The following EPOP variants were observed in gnomAD, a reference collection of about 807,000 sequenced individuals.
EPOP encodes elongin BC and Polycomb repressive complex 2-associated protein.
EPOP carries 14 observed loss-of-function variants against 18.2 expected under a neutral mutation model. The ratio of observed to expected loss-of-function variants is 0.77; its 90% CI spans 0.51 to 1.20. EPOP has a LOEUF of 1.20. Among genes scored for constraint, EPOP ranks in the 50% most tolerant of loss-of-function variants. The pLI is 0.00. For synonymous variants in EPOP, 252 were observed against 274.9 expected (o/e 0.92, Z 0.83); for missense variants, 527 against 577.2 (o/e 0.91, Z 0.89).
Position 38,673,612 on chromosome 17 carries a change from G to A in EPOP, c.884C>T (p.Pro295Leu). ...AKKRRLPAPP[P>L]RTAQPRRPAP... ...AGGGCGGCGGGGCTGCGCGGTGCGC[G>A]GAGGGGGCGCCGGCAGCCGGCGTTT... is the stretch of plus-strand genomic sequence containing the variant. Residue 295 changes from proline to leucine, a missense_variant, in exon 1 of 1, where the codon CCG becomes CTG. Physicochemically the swap from Pro to Leu is moderately conservative, Grantham distance 98. Coordinates refer to ENST00000621654, the MANE Select transcript of EPOP (RefSeq NM_001130677.2). 1 of 1,508,360 alleles carries A rather than the reference G, an allele frequency of 6.6e-7. No individual in the cohort carries two copies. Among genetic ancestry groups the A allele is most frequent in the Non-Finnish European group, 8.8e-7 (1 of 1,131,002 alleles). The allele number at this position is 1,508,360 out of a possible 1,614,324, so 93.4% of individuals were successfully genotyped here.
Position 38,674,513 on chromosome 17 carries a change from G to GC in EPOP, c.-19dup. On this transcript the variant is annotated 5_prime_UTR_variant, in exon 1 of 1. Coordinates refer to ENST00000621654, the MANE Select transcript of EPOP (RefSeq NM_001130677.2). This position sits in a 1 kb window ranked among gnomAD's most constrained non-coding sequence, Gnocchi z 4.5. ...GTCTCCATGGAGCAGCCTGAGGGGT[G>GC]CCCACTGAGCGGGTCCAGGTCCCAG... 1 of 1,501,452 alleles carries GC rather than the reference G, an allele frequency of 6.7e-7. No homozygotes were observed. The highest frequency in any genetic ancestry group is 8.9e-7 in the Non-Finnish European group (1 of 1,128,804). The allele number at this position is 1,501,452 out of a possible 1,614,324, so 93.0% of individuals were successfully genotyped here.
At position 38,673,855 on chromosome 17, in the gene EPOP, T is replaced by A; in HGVS notation, c.641A>T (p.Asn214Ile). The A allele has an allele frequency of 6.9e-7, 1 of 1,457,258 alleles. No individual in the cohort carries two copies. Among genetic ancestry groups the A allele is most frequent in the Non-Finnish European group, 9.0e-7 (1 of 1,106,056 alleles). 90.3% of individuals were successfully genotyped at this position (1,457,258 alleles called of 1,614,324 possible). ...LPGQPAEVDG[N>I]PPPAAPEAPA... ...AGCCTCGGGGGCGGCCGGCGGGGGG[T>A]TTCCATCGACTTCGGCAGGCTGGCC... is the stretch of plus-strand genomic sequence containing the variant. The change falls in exon 1 of 1, where the codon AAC becomes ATC. Residue 214 changes from asparagine to isoleucine, a missense_variant. Physicochemically the swap from Asn to Ile is moderately radical, Grantham distance 149 (BLOSUM62 -3). Transcript: ENST00000621654.
In EPOP at chr17:38,674,072, C is replaced by T. The variant is rs1811108117; in HGVS notation, c.424G>A (p.Ala142Thr). 45 of 1,406,998 alleles carry T rather than the reference C, an allele frequency of 3.2e-5. No individual in the cohort carries two copies. Among genetic ancestry groups the T allele is most frequent in the Non-Finnish European group, 4.1e-5 (45 of 1,089,566 alleles). The allele number at this position is 1,406,998 out of a possible 1,614,324, so 87.2% of individuals were successfully genotyped here. The change falls in exon 1 of 1, where the codon GCG becomes ACG. Residue 142 changes from alanine (A) to threonine (T), a missense_variant. Transcript: ENST00000621654. This position sits in a 1 kb window ranked among gnomAD's most constrained non-coding sequence, Gnocchi z 4.5. ...GTAGATTCCCGAGGGTGCGGGGGCG[C>T]AGGGCAGCGGCCCGGAGGTGCACAG... is the stretch of plus-strand genomic sequence containing the variant. ...RSCAPPGRCP[A>T]PPHPRESTTS...
At position 38,673,529 on chromosome 17, in the gene EPOP, G is replaced by A. The variant is rs1343042874; in HGVS notation, c.967C>T (p.Pro323Ser). 1 of 1,517,734 alleles carries A rather than the reference G, an allele frequency of 6.6e-7. No individual in the cohort carries two copies. The highest frequency in any genetic ancestry group is 2.1e-5 in the Admixed American group (1 of 48,474). The allele number at this position is 1,517,734 out of a possible 1,614,324, so 94.0% of individuals were successfully genotyped here. A position where few individuals can be genotyped will look rare whatever the true frequency, so the allele number is the denominator to read the frequency against. Residue 323 changes from proline (P) to serine (S), a missense_variant, in exon 1 of 1, where the codon CCG (proline) becomes TCG (serine). Coordinates refer to ENST00000621654, the MANE Select transcript of EPOP (RefSeq NM_001130677.2). ...FSLLNCFPCP[P>S]ALVVGEDGDL... ...CCGTCTTCCCCCACCACCAGGGCCG[G>A]GGGGCAGGGGAAGCAGTTGAGGAGG...
At position 38,674,663 on chromosome 17, in the gene EPOP, C is replaced by T; in HGVS notation, c.-168G>A. 1.7e-6 allele frequency: 1 copy of T among 585,428 alleles called. No individual in the cohort carries two copies. Among genetic ancestry groups the T allele is most frequent in the Non-Finnish European group, 2.7e-6 (1 of 368,710 alleles). 36.3% of individuals were successfully genotyped at this position (585,428 alleles called of 1,614,324 possible). A position where few individuals can be genotyped will look rare whatever the true frequency, so the allele number is the denominator to read the frequency against. ...CCCGGGGCCGCAGAGCTCGGGCTCC[C>T]TCTTCGCTCTCCTCACGCGGCCCTC... On this transcript the variant is annotated 5_prime_UTR_variant, in exon 1 of 1. Transcript: ENST00000621654. The surrounding 1 kb of genome is among the most constrained non-coding windows in gnomAD (Gnocchi z 4.5).
At position 38,673,774 on chromosome 17, in the gene EPOP, C is replaced by A. The variant is rs1479390686; in HGVS notation, c.722G>T (p.Arg241Leu). ...SPAPAAPGDL[R>L]QEHFDRLIRR... ...GATCAGACGATCGAAATGTTCCTGG[C>A]GGAGATCTCCGGGTGCGGCCGGAGC... is the stretch of plus-strand genomic sequence containing the variant. Residue 241 changes from arginine (R) to leucine (L), a missense_variant, in exon 1 of 1, where the codon CGC becomes CTC. Physicochemically the swap from Arg to Leu is moderately radical, Grantham distance 102. Coordinates refer to ENST00000621654, the MANE Select transcript of EPOP (RefSeq NM_001130677.2). The A allele has an allele frequency of 6.6e-7, 1 of 1,521,620 alleles. No individual in the cohort carries two copies. Among genetic ancestry groups the A allele is most frequent in the African/African-American group, 1.4e-5 (1 of 69,254 alleles). The allele number at this position is 1,521,620 out of a possible 1,614,324, so 94.3% of individuals were successfully genotyped here.
Position 38,673,203 on chromosome 17 carries a change from G to C in EPOP, c.*153C>G. On this transcript the variant is annotated 3_prime_UTR_variant, in exon 1 of 1. Coordinates refer to ENST00000621654, the MANE Select transcript of EPOP (RefSeq NM_001130677.2). ...GAGGGACTGTCACCCCGAAAACTTA[G>C]GTGCTTGAATGAAGATCACTGTTAT... 1.5e-6 allele frequency: 2 copies of C among 1,339,752 alleles called. No homozygotes were observed. The highest frequency in any genetic ancestry group is 1.9e-6 in the Non-Finnish European group (2 of 1,034,620). 83.0% of individuals were successfully genotyped at this position (1,339,752 alleles called of 1,614,324 possible). A position where few individuals can be genotyped will look rare whatever the true frequency, so the allele number is the denominator to read the frequency against.
At position 38,674,301 on chromosome 17, in the gene EPOP, C is replaced by T. The variant is rs1400747847; in HGVS notation, c.195G>A (p.Ala65=). 6.6e-7 allele frequency: 1 copy of T among 1,522,960 alleles called. No homozygotes were observed. The highest frequency in any genetic ancestry group is 8.8e-7 in the Non-Finnish European group (1 of 1,140,746). The allele number at this position is 1,522,960 out of a possible 1,614,324, so 94.3% of individuals were successfully genotyped here. Residue 65 remains alanine (A), a synonymous_variant, in exon 1 of 1, where the codon GCG becomes GCA. Transcript: ENST00000621654. The surrounding 1 kb of genome is among the most constrained non-coding windows in gnomAD (Gnocchi z 4.5). Reference sequence around the variant, plus strand: ...GAGGGCCCCGCAGCACTGGGGACCGCGCCGCCAGCTCCCCAGGCCCCGGGC... The same window carrying T: ...GAGGGCCCCGCAGCACTGGGGACCGTGCCGCCAGCTCCCCAGGCCCCGGGC... ...SLGPGPGELA[A]RSPVLRGPQA... is the part of the protein sequence containing the mutation.
chr17:38,674,720 C>T lies in EPOP; in HGVS notation c.-225G>A, dbSNP rs1911070173. The T allele has an allele frequency of 2.5e-6, 1 of 403,526 alleles. No homozygotes were observed. Among genetic ancestry groups the T allele is most frequent in the Non-Finnish European group, 4.3e-6 (1 of 230,796 alleles). 25.0% of individuals were successfully genotyped at this position (403,526 alleles called of 1,614,324 possible). On this transcript the variant is annotated 5_prime_UTR_variant, in exon 1 of 1. Transcript: ENST00000621654. This position sits in a 1 kb window ranked among gnomAD's most constrained non-coding sequence, Gnocchi z 4.5. ...GCCGGACTCCTGGGTCCCTGTGAGT[C>T]CCGGCGGGGTCGGCCGCCCTTCTGC...
Position 38,674,484 on chromosome 17 carries a change from C to G in EPOP, c.12G>C (p.Leu4=), listed in dbSNP as rs948042536. ...GCACTGCCAGGCGGGGCGCAGGGCA[C>G]AGGGTCTCCATGGAGCAGCCTGAGG... MET[L]CPAPRLAVPA... Residue 4 remains leucine (L), a synonymous_variant, in exon 1 of 1, where the codon CTG becomes CTC. Transcript: ENST00000621654. This position sits in a 1 kb window ranked among gnomAD's most constrained non-coding sequence, Gnocchi z 4.5. 5.9e-6 allele frequency: 9 copies of G among 1,533,760 alleles called. No homozygotes were observed. Among genetic ancestry groups the G allele is most frequent in the Non-Finnish European group, 6.1e-6 (7 of 1,144,114 alleles).
At position 38,673,294 on chromosome 17, in the gene EPOP, C is replaced by T. The variant is rs1910998629; in HGVS notation, c.*62G>A. The T allele has an allele frequency of 6.9e-7, 1 of 1,447,636 alleles. No homozygotes were observed. Among genetic ancestry groups the T allele is most frequent in the Admixed American group, 2.8e-5 (1 of 35,798 alleles). The allele number at this position is 1,447,636 out of a possible 1,614,324, so 89.7% of individuals were successfully genotyped here. A position where few individuals can be genotyped will look rare whatever the true frequency, so the allele number is the denominator to read the frequency against. On this transcript the variant is annotated 3_prime_UTR_variant, in exon 1 of 1. Transcript: ENST00000621654. ...GGGACAAATGTGAGAAACGGGGCTC[C>T]CTCCTCAAGCCCGCGGTTTGGCCAT...
chr17:38,674,228 G>A lies in EPOP; in HGVS notation c.268C>T (p.Leu90Phe). 1.4e-6 allele frequency: 2 copies of A among 1,432,140 alleles called. No individual in the cohort carries two copies. The highest frequency in any genetic ancestry group is 1.5e-5 in the South Asian group (1 of 67,952). 88.7% of individuals were successfully genotyped at this position (1,432,140 alleles called of 1,614,324 possible). ...GGWAPDGLKH[L>F]WAPTGRPGVP... ...CCGGGCCGCCCGGTCGGTGCCCAGA[G>A]GTGCTTCAGGCCATCCGGGGCCCAG... Residue 90 changes from leucine to phenylalanine, a missense_variant, in exon 1 of 1, where the codon CTC becomes TTC. Leu to Phe is a conservative substitution (Grantham distance 22, BLOSUM62 0). Coordinates refer to ENST00000621654, the MANE Select transcript of EPOP (RefSeq NM_001130677.2). The surrounding 1 kb of genome is among the most constrained non-coding windows in gnomAD (Gnocchi z 4.5).
Position 38,673,834 on chromosome 17 carries a change from T to C in EPOP, c.662A>G (p.Glu221Gly). 2.7e-6 allele frequency: 4 copies of C among 1,490,522 alleles called. No individual in the cohort carries two copies. Among genetic ancestry groups the C allele is most frequent in the Non-Finnish European group, 3.6e-6 (4 of 1,119,902 alleles). 92.3% of individuals were successfully genotyped at this position (1,490,522 alleles called of 1,614,324 possible). A position where few individuals can be genotyped will look rare whatever the true frequency, so the allele number is the denominator to read the frequency against. Residue 221 changes from glutamate (E) to glycine (G), a missense_variant, in exon 1 of 1, where the codon GAG becomes GGG. Transcript: ENST00000621654. ...VDGNPPPAAPEAPAASPSTAS... is the reference protein window; with the variant it reads ...VDGNPPPAAPGAPAASPSTAS... ...CGTCGAGGGGCTGGCCGCTGGAGCC[T>C]CGGGGGCGGCCGGCGGGGGGTTTCC...
rs1436403297 is a variant in EPOP, at chr17:38,673,972, G to C, written c.524C>G (p.Pro175Arg). ...EPQRGPAASPPQEPSSRPPSP... is the reference protein window; with the variant it reads ...EPQRGPAASPRQEPSSRPPSP... Reference sequence around the variant, plus strand: ...CGGAGGCCGGGAACTGGGTTCCTGAGGCGGGCTGGCGGCTGGGCCACGCTG... The same window carrying C: ...CGGAGGCCGGGAACTGGGTTCCTGACGCGGGCTGGCGGCTGGGCCACGCTG... The change falls in exon 1 of 1, where the codon CCT (proline) becomes CGT (arginine). Residue 175 changes from proline to arginine, a missense_variant. Pro to Arg is a moderately radical substitution (Grantham distance 103, BLOSUM62 -2). Coordinates refer to ENST00000621654, the MANE Select transcript of EPOP (RefSeq NM_001130677.2). The C allele has an allele frequency of 7.1e-7, 1 of 1,398,884 alleles. No individual in the cohort carries two copies. Among genetic ancestry groups the C allele is most frequent in the Non-Finnish European group, 9.2e-7 (1 of 1,087,214 alleles). 86.7% of individuals were successfully genotyped at this position (1,398,884 alleles called of 1,614,324 possible).
chr17:38,673,746 G>C lies in EPOP; in HGVS notation c.750C>G (p.Arg250=), dbSNP rs1911020608. 2.0e-6 allele frequency: 3 copies of C among 1,529,334 alleles called. No homozygotes were observed. Among genetic ancestry groups the C allele is most frequent in the Non-Finnish European group, 2.6e-6 (3 of 1,138,600 alleles). 94.7% of individuals were successfully genotyped at this position (1,529,334 alleles called of 1,614,324 possible). A position where few individuals can be genotyped will look rare whatever the true frequency, so the allele number is the denominator to read the frequency against. The change falls in exon 1 of 1, where the codon CGC becomes CGG. Residue 250 remains arginine, a synonymous_variant. Coordinates refer to ENST00000621654, the MANE Select transcript of EPOP (RefSeq NM_001130677.2). ...TCGCGTAACACCAAAGTTTCGACCG[G>C]CGGATCAGACGATCGAAATGTTCCT... is the stretch of plus-strand genomic sequence containing the variant. ...LRQEHFDRLI[R]RSKLWCYAKG...
chr17:38,674,025 C>T lies in EPOP; in HGVS notation c.471G>A (p.Pro157=), dbSNP rs1266964232. ...GCTCGAGACCCGGGGCCGGGCGAGG[C>T]GGGGCCGAGGCGAAGCTGGTCGTAG... is the stretch of plus-strand genomic sequence containing the variant. ...RESTTSFASA[P]PRPAPGLEPQ... Residue 157 remains proline (P), a synonymous_variant, in exon 1 of 1, where the codon CCG becomes CCA. Coordinates refer to ENST00000621654, the MANE Select transcript of EPOP (RefSeq NM_001130677.2). The surrounding 1 kb of genome is among the most constrained non-coding windows in gnomAD (Gnocchi z 4.5). 3 of 1,386,944 alleles carry T rather than the reference C, an allele frequency of 2.2e-6. No individual in the cohort carries two copies. The highest frequency in any genetic ancestry group is 2.8e-6 in the Non-Finnish European group (3 of 1,081,556). 85.9% of individuals were successfully genotyped at this position (1,386,944 alleles called of 1,614,324 possible). A position where few individuals can be genotyped will look rare whatever the true frequency, so the allele number is the denominator to read the frequency against.
rs576284104 is a variant in EPOP at position 38,674,178 on chromosome 17, C to G, written c.318G>C (p.Glu106Asp). Residue 106 changes from glutamate (E) to aspartate (D), a missense_variant, in exon 1 of 1, where the codon GAG (glutamate) becomes GAC (aspartate). Coordinates refer to ENST00000621654, the MANE Select transcript of EPOP (RefSeq NM_001130677.2). This position sits in a 1 kb window ranked among gnomAD's most constrained non-coding sequence, Gnocchi z 4.5. ...GGGGGCACGCTGCGACGTCCGCATC[C>G]TCGCCGGCGGCGGTGTTAGGAACGC... ...RPGVPNTAAG[E>D]DADVAACPRR... 7.0e-7 allele frequency: 1 copy of G among 1,423,956 alleles called. No homozygotes were observed. Among genetic ancestry groups the G allele is most frequent in the East Asian group, 2.9e-5 (1 of 34,440 alleles). 88.2% of individuals were successfully genotyped at this position (1,423,956 alleles called of 1,614,324 possible).
chr17:38,674,889 G>T lies in EPOP; in HGVS notation c.-394C>A. 5.9e-6 allele frequency: 1 copy of T among 170,536 alleles called. No individual in the cohort carries two copies. The allele number at this position is 170,536 out of a possible 1,614,324, so 10.6% of individuals were successfully genotyped here. A position where few individuals can be genotyped will look rare whatever the true frequency, so the allele number is the denominator to read the frequency against. ...CCGGTGCCCGGGCCCAGGCGGCGGG[G>T]AGGGCGCCTTCCGCCCGCTCGGTTT... is the stretch of plus-strand genomic sequence containing the variant. On this transcript the variant is annotated 5_prime_UTR_variant, in exon 1 of 1. Coordinates refer to ENST00000621654, the MANE Select transcript of EPOP (RefSeq NM_001130677.2). This position sits in a 1 kb window ranked among gnomAD's most constrained non-coding sequence, Gnocchi z 4.5.
Position 38,674,539 on chromosome 17 carries a change from C to G in EPOP, c.-44G>C. ...CCCACTGAGCGGGTCCAGGTCCCAG[C>G]GGCGGGATGCCCTGGCTGCCCGAAG... On this transcript the variant is annotated 5_prime_UTR_variant, in exon 1 of 1. Coordinates refer to ENST00000621654, the MANE Select transcript of EPOP (RefSeq NM_001130677.2). The surrounding 1 kb of genome is among the most constrained non-coding windows in gnomAD (Gnocchi z 4.5). 3 of 1,442,892 alleles carry G rather than the reference C, an allele frequency of 2.1e-6. No homozygotes were observed. Among genetic ancestry groups the G allele is most frequent in the African/African-American group, 1.5e-5 (1 of 67,820 alleles). The allele number at this position is 1,442,892 out of a possible 1,614,324, so 89.4% of individuals were successfully genotyped here. A position where few individuals can be genotyped will look rare whatever the true frequency, so the allele number is the denominator to read the frequency against.
Sources: allele counts gnomAD v4.1 joint callset, GRCh38; gene constraint gnomAD v4.1.1; non-coding constraint Gnocchi (gnomAD v3.1); transcripts MANE v1.5; gene names NCBI Gene and HGNC (gene_info 2026-07-23, HGNC 2026-07-21).